The following FBXL2 variants were observed in gnomAD, a reference collection of about 807,000 sequenced individuals.
The protein encoded by FBXL2 is F-box and leucine rich repeat protein 2, also known as F-box/LRR-repeat protein 2.
Under a neutral mutation model 69.2 loss-of-function variants are expected in FBXL2, and 38 were observed. The observed-to-expected ratio is 0.55, with a 90% CI of 0.42 to 0.72. The LOEUF (loss-of-function observed/expected upper bound fraction) is 0.72, where lower values mean the gene tolerates loss of function less well. Ranked by LOEUF, FBXL2 falls within the 30% of genes least tolerant of loss-of-function variation. The probability of loss-of-function intolerance (pLI) is 0.00; values close to 1 mark genes in which losing one functional copy is unlikely to be tolerated. For synonymous variants in FBXL2, 192 were observed against 201.3 expected (o/e 0.95, Z 0.39); for missense variants, 354 against 520.3 (o/e 0.68, Z 3.11).
the FBXL2 span, among the ~76,000 whole-genome samples, chr3:33,421,010 AGGGGCT>A: frequency 6.6e-6 from 1 of 152,344 alleles, no homozygotes; most frequent in Admixed American, 6.5e-5. Context: ...TTGAAGAGTT[AGGGGCT>A]GATCCAGCAG....
intron 2 of FBXL2, among the ~76,000 whole-genome samples, chr3:33,329,254 A>T (rs375071978): frequency 2.0e-5 from 3 of 152,298 alleles, no homozygotes; most frequent in African/African-American, 7.2e-5. Flanking sequence ...TATCAAAAAG[A>T]TGATGGAGTA....
At chr3:33,327,778 C>G (rs145349590) in intron 2 of FBXL2, among the ~76,000 whole-genome samples, 1,532 of 152,086 alleles carry the variant, frequency 0.01, 91 homozygotes, top group Admixed American at 0.093. Flanking sequence ...TCTCTAAGAT[C>G]TAGATCAAAA....
chr3:33,309,609 G>C (rs1461403946), intron 2 of FBXL2, among the ~76,000 whole-genome samples: 1 of 152,042 alleles, frequency 6.6e-6, no homozygotes, highest in Non-Finnish European at 1.5e-5. Context: ...TTACATTAAA[G>C]ATAAGTATTG....
Position 33,393,969 on chromosome 3 carries a change from C to T in FBXL2, n.1214+8241C>T, listed in dbSNP as rs184518497. 6.2e-4 allele frequency among the ~76,000 whole-genome samples: 95 copies of T among 152,090 alleles called. 1 individual carries two copies. The highest frequency in any genetic ancestry group is 9.8e-4 in the Admixed American group (15 of 15,278). On this transcript the variant is annotated intron_variant and non_coding_transcript_variant, in intron 12 of 12. Transcript: ENST00000463736. ...CTGTTTTTAAAAATAATATATACTT[C>T]ATGTATTTCTAGCAATATACAAAAA...
chr3:33,356,803 G>C (rs1401140535), intron 2 of FBXL2, among the ~76,000 whole-genome samples: 4 of 152,164 alleles, frequency 2.6e-5, no homozygotes, highest in Admixed American at 1.3e-4. Context: ...CAAGCATATG[G>C]TATTGTTAGG....
intron 2 of FBXL2, among the ~76,000 whole-genome samples, chr3:33,340,362 T>C (rs969744454): frequency 9.2e-5 from 14 of 152,058 alleles, no homozygotes; most frequent in Non-Finnish European, 1.9e-4. Flanking sequence ...TGTGCTGCCT[T>C]AGCATCCATA....
intron 2 of FBXL2, among the ~76,000 whole-genome samples, chr3:33,349,664 G>A (rs780098743): frequency 6.6e-6 from 1 of 152,138 alleles, no homozygotes; most frequent in Non-Finnish European, 1.5e-5. Context: ...AATAGTTTGA[G>A]TGGGATTGGT....
intron 1 of FBXL2, among the ~76,000 whole-genome samples, chr3:33,286,826 A>G (rs2034677592): frequency 6.6e-6 from 1 of 152,136 alleles, no homozygotes. Context: ...TGGGTGTGGG[A>G]CCCTCTGAGC....
intron 2 of FBXL2, among the ~76,000 whole-genome samples, chr3:33,321,679 A>G (rs1157815283): frequency 6.6e-6 from 1 of 152,202 alleles, no homozygotes; most frequent in Non-Finnish European, 1.5e-5. Flanking sequence ...ACAAAGCTAG[A>G]TGGTATAGCC....
downstream of FBXL2, among the ~76,000 whole-genome samples, chr3:33,405,398 T>C (rs1358395550): frequency 1.3e-5 from 2 of 152,234 alleles, no homozygotes; most frequent in African/African-American, 4.8e-5. Flanking sequence ...CAGTTTTATC[T>C]TAAATTGTAA....
chr3:33,312,501 A>C (rs1212688713), intron 2 of FBXL2, among the ~76,000 whole-genome samples: 1 of 152,172 alleles, frequency 6.6e-6, no homozygotes, highest in African/African-American at 2.4e-5. Context: ...ATGCATTTGA[A>C]GAAGTAGGGA....
At chr3:33,326,084 A>G (rs1358683341) in intron 2 of FBXL2, among the ~76,000 whole-genome samples, 1 of 152,222 alleles carries the variant, frequency 6.6e-6, no homozygotes, top group South Asian at 2.1e-4. Context: ...TCAAACAACA[A>G]AAGTACATAA....
intron 2 of FBXL2, among the ~76,000 whole-genome samples, chr3:33,330,197 C>A (rs1457593696): frequency 6.6e-6 from 1 of 151,546 alleles, no homozygotes; most frequent in African/African-American, 2.4e-5. Flanking sequence ...GTGGAAGGAT[C>A]TCTTGGGCCG....
In FBXL2 at chr3:33,373,151, T is replaced by C; in HGVS notation, c.350T>C (p.Ile117Thr). 6.2e-7 allele frequency: 1 copy of C among 1,614,066 alleles called. No individual in the cohort carries two copies. Among genetic ancestry groups the C allele is most frequent in the Non-Finnish European group, 8.5e-7 (1 of 1,179,900 alleles). The change falls in exon 6 of 15, where the codon ATC becomes ACC. Residue 117 changes from isoleucine to threonine, a missense_variant. Transcript: ENST00000484457. ...TTGAACCTCAATGGATGCACAAAAATCACTGACAGGTAAGTAATGAAGATT... is the reference window on the plus strand; with the variant it reads ...TTGAACCTCAATGGATGCACAAAAACCACTGACAGGTAAGTAATGAAGATT... Reference protein sequence around the residue: ...EHLNLNGCTKITDSTCYSLSR... With the variant: ...EHLNLNGCTKTTDSTCYSLSR...
In FBXL2 at chr3:33,385,593, C is replaced by T; in HGVS notation, c.1257C>T (p.Cys419=). The part of the protein sequence containing the change: ...VAGSGQRLCR[C]CVIL ...GAAGTGGACAGCGACTGTGCAGGTG[C>T]TGTGTCATTCTCTGACAGCAGCTGC... Residue 419 remains cysteine (C), a synonymous_variant, in exon 15 of 15, where the codon TGC becomes TGT. Transcript: ENST00000484457. The T allele has an allele frequency of 6.2e-7, 1 of 1,614,046 alleles. No homozygotes were observed. The highest frequency in any genetic ancestry group is 8.5e-7 in the Non-Finnish European group (1 of 1,179,944).
intron 2 of FBXL2, among the ~76,000 whole-genome samples, chr3:33,346,646 G>A (rs553245402): frequency 1.4e-3 from 200 of 139,460 alleles, no homozygotes; most frequent in African/African-American, 4.9e-3. Flanking sequence ...GAGAAAATAA[G>A]TGAAACCAAA....
chr3:33,332,598 T>C (rs2039254888), intron 2 of FBXL2, among the ~76,000 whole-genome samples: 2 of 152,214 alleles, frequency 1.3e-5, no homozygotes, highest in Admixed American at 6.5e-5. Flanking sequence ...AGCTGTATTT[T>C]GAGAAATGTG....
chr3:33,372,628 A>G (rs542916091), intron 5 of FBXL2: 1 of 189,988 alleles, frequency 5.3e-6, no homozygotes, highest in East Asian at 1.3e-4. Context: ...TAACTGCTAG[A>G]CGTCTTCTAT....
chr3:33,297,649 T>A lies in FBXL2; in HGVS notation c.4-15T>A. 2.0e-6 allele frequency: 3 copies of A among 1,515,878 alleles called. No individual in the cohort carries two copies. The highest frequency in any genetic ancestry group is 2.7e-6 in the Non-Finnish European group (3 of 1,111,376). 93.9% of individuals were successfully genotyped at this position (1,515,878 alleles called of 1,614,324 possible). ...AAGAACATTTTCACAATTTCCTTTTTTTTTTTCTTTCCAGGTTTTCTCAAA... is the reference window on the plus strand; with the variant it reads ...AAGAACATTTTCACAATTTCCTTTTATTTTTTCTTTCCAGGTTTTCTCAAA... On this transcript the variant is annotated splice_polypyrimidine_tract_variant and intron_variant, in intron 1 of 14. Transcript: ENST00000484457.
Sources: gnomAD v4.1 joint callset for allele counts (sites outside exome capture counted in the v4.1 genomes callset) on GRCh38, gnomAD v4.1.1 for gene constraint, MANE v1.5 for transcripts, NCBI Gene and HGNC (gene_info 2026-07-23, HGNC 2026-07-21) for gene names.